Variants in UGGT2 observed in about 807,000 individuals in gnomAD.
UGGT2 encodes UDP-glucose glycoprotein glucosyltransferase 2, also known as UDP-glucose:glycoprotein glucosyltransferase 2.
UGGT2 carries 180 observed loss-of-function variants against 192.1 expected under a neutral mutation model. That is an observed-to-expected ratio of 0.94 (90% CI 0.83 to 1.06). The LOEUF (loss-of-function observed/expected upper bound fraction) is 1.06. UGGT2 is among the 50% of genes least tolerant of loss of function. UGGT2 has a pLI of 0.00. For synonymous variants in UGGT2, 580 were observed against 591.0 expected, an observed-to-expected ratio of 0.98 and a Z score of 0.27; for missense variants, 1,849 against 1,795.7, an observed-to-expected ratio of 1.03 and a Z score of -0.54.
chr13:96,026,959 C>T (rs370379502), intron 2 of UGGT2, among the ~76,000 whole-genome samples: 2 of 152,124 alleles, frequency 1.3e-5, no homozygotes, highest in African/African-American at 4.8e-5. Flanking sequence ...GCGTGAGCCA[C>T]CGCGCCCAGC....
At chr13:96,049,627 A>C (rs888387075) in intron 1 of UGGT2, among the ~76,000 whole-genome samples, 2 of 152,252 alleles carry the variant, frequency 1.3e-5, no homozygotes, top group African/African-American at 4.8e-5. Flanking sequence ...CAACTTCAGC[A>C]AAGTCTCAGG....
Position 96,041,775 on chromosome 13 carries a change from C to CAGTCTGCT in UGGT2, c.159-9805_159-9804insAGCAGACT, listed in dbSNP as rs1404968055. Among the ~76,000 whole-genome samples, 194 of 152,244 alleles carry CAGTCTGCT rather than the reference C, an allele frequency of 1.3e-3. 6 individuals are homozygous for CAGTCTGCT. In the South Asian group the frequency reaches 0.038, roughly 30 times the overall value. On this transcript the variant is annotated intron_variant, in intron 1 of 38. Coordinates refer to ENST00000376747, the MANE Select transcript of UGGT2 (RefSeq NM_020121.4). ...TTTCCCCCACTTCCCTGACAACCTG[C>CAGTCTGCT]ATGACAAAGCAGAGGCAGCCATAAT...
Position 96,023,654 on chromosome 13 carries a change from G to A in UGGT2, c.347C>T (p.Ser116Phe). Reference sequence around the variant, plus strand: ...CTGCTGAAACATCTGAATAGCTGGGGAGTATGCCCTTATAGAGAAAGCAAA... The same window carrying A: ...CTGCTGAAACATCTGAATAGCTGGGAAGTATGCCCTTATAGAGAAAGCAAA... ...LKFAFSIRAY[S>F]PAIQMFQQIA... is the part of the protein sequence containing the mutation. The change falls in exon 3 of 39, where the codon TCC becomes TTC. Residue 116 changes from serine (S) to phenylalanine (F), a missense_variant. Coordinates refer to ENST00000376747, the MANE Select transcript of UGGT2 (RefSeq NM_020121.4). 6.2e-7 allele frequency: 1 copy of A among 1,610,704 alleles called. No homozygotes were observed. The highest frequency in any genetic ancestry group is 8.5e-7 in the Non-Finnish European group (1 of 1,177,896).
chr13:95,998,993 G>A (rs370266152), intron 6 of UGGT2, among the ~76,000 whole-genome samples: 2 of 152,116 alleles, frequency 1.3e-5, no homozygotes, highest in South Asian at 2.1e-4. Context: ...AATAACATAC[G>A]ATTTCATATT....
At chr13:95,885,640 C>T (rs2047623809) in intron 26 of UGGT2, among the ~76,000 whole-genome samples, 2 of 152,026 alleles carry the variant, frequency 1.3e-5, no homozygotes, top group Non-Finnish European at 2.9e-5. Flanking sequence ...AGTGTGAGTC[C>T]CAGGCAGTGG....
At chr13:96,000,717 A>T (rs756493150) in intron 5 of UGGT2, among the ~76,000 whole-genome samples, 9 of 152,186 alleles carry the variant, frequency 5.9e-5, no homozygotes, top group Admixed American at 6.5e-5. Context: ...TCAGTTCTGG[A>T]AAGTTATTAG....
intron 22 of UGGT2, among the ~76,000 whole-genome samples, chr13:95,897,490 TAG>T (rs1459088051): frequency 6.6e-6 from 1 of 152,176 alleles, no homozygotes; most frequent in Non-Finnish European, 1.5e-5. Context: ...CATTGTACCC[TAG>T]TTGTTGATCA....
intron 1 of UGGT2, among the ~76,000 whole-genome samples, chr13:96,036,753 GAAC>G (rs996480800): frequency 5.9e-5 from 9 of 152,216 alleles, no homozygotes; most frequent in South Asian, 2.1e-4. Flanking sequence ...TATTACCTTT[GAAC>G]AACATTTTTG....
At chr13:96,040,364 C>T (rs987234785) in intron 1 of UGGT2, among the ~76,000 whole-genome samples, 2 of 152,154 alleles carry the variant, frequency 1.3e-5, no homozygotes, top group African/African-American at 4.8e-5. Flanking sequence ...CAATCTCTAA[C>T]TTCACATGGC....
At chr13:95,940,349 TAATAA>T (rs1206239703) in intron 15 of UGGT2, among the ~76,000 whole-genome samples, 9 of 151,904 alleles carry the variant, frequency 5.9e-5, no homozygotes, top group African/African-American at 2.2e-4. Context: ...CCATTATTCT[TAATAA>T]AATAATGATT....
At chr13:95,825,341 G>C (rs1885919036) in intron 38 of UGGT2, among the ~76,000 whole-genome samples, 1 of 152,132 alleles carries the variant, frequency 6.6e-6, no homozygotes. Context: ...CCTTGATGAA[G>C]GTGGCTGAGG....
intron 27 of UGGT2, among the ~76,000 whole-genome samples, chr13:95,880,659 GT>G (rs2047466814): frequency 6.6e-6 from 1 of 152,158 alleles, no homozygotes; most frequent in Non-Finnish European, 1.5e-5. Context: ...CAATTCATAA[GT>G]TTTAAACTGT....
intron 1 of UGGT2, among the ~76,000 whole-genome samples, chr13:96,043,361 A>C (rs1282661154): frequency 1.3e-5 from 2 of 152,224 alleles, no homozygotes; most frequent in Non-Finnish European, 2.9e-5. Flanking sequence ...AGAACTGCTA[A>C]AAGGAGCTCT....
chr13:96,038,630 T>G (rs1158628138), intron 1 of UGGT2, among the ~76,000 whole-genome samples: 2 of 152,110 alleles, frequency 1.3e-5, no homozygotes, highest in African/African-American at 4.8e-5. Flanking sequence ...AAATTTATTC[T>G]CTCATAGTTC....
chr13:95,966,819 C>T (rs1278164521), intron 12 of UGGT2, among the ~76,000 whole-genome samples: 3 of 152,082 alleles, frequency 2.0e-5, no homozygotes, highest in Non-Finnish European at 4.4e-5. Flanking sequence ...ACCACATCAC[C>T]CATTAATGCC....
Position 95,856,432 on chromosome 13 carries a change from T to C in UGGT2, c.3826-92A>G. The C allele has an allele frequency of 2.3e-6, 3 of 1,313,344 alleles. No homozygotes were observed. The South Asian group carries it at 4.2e-5, about 19-fold the overall frequency. The allele number at this position is 1,313,344 out of a possible 1,614,324, so 81.4% of individuals were successfully genotyped here. A position where few individuals can be genotyped will look rare whatever the true frequency, so the allele number is the denominator to read the frequency against. The stretch of plus-strand genomic sequence containing the variant: ...ATAACATTAAAAAGGTAAAGCTTCC[T>C]ATAAATTGTTATAAACTAATAGGCA... On this transcript the variant is annotated intron_variant, in intron 33 of 38. Transcript: ENST00000376747.
intron 36 of UGGT2, among the ~76,000 whole-genome samples, chr13:95,843,610 C>G: frequency 6.6e-6 from 1 of 151,986 alleles, no homozygotes. Context: ...GTACCTTTGT[C>G]TATGATGTGT....
At position 96,052,631 on chromosome 13, in the gene UGGT2, C is replaced by G. The variant is rs145870839; in HGVS notation, c.158+524G>C. Among the ~76,000 whole-genome samples, 14 of 152,302 alleles carry G rather than the reference C, an allele frequency of 9.2e-5. No homozygotes were observed. The East Asian group carries it at 2.7e-3, about 29-fold the overall frequency. ...GAAAGAACTTTCTAATTTTACTCAA[C>G]TAGAATACTAAAGGGCAAAATGCAA... On this transcript the variant is annotated intron_variant, in intron 1 of 38. Transcript: ENST00000376747.
intron 12 of UGGT2, among the ~76,000 whole-genome samples, chr13:95,950,499 C>G (rs1174636977): frequency 1.3e-5 from 2 of 148,606 alleles, no homozygotes; most frequent in Non-Finnish European, 3.0e-5. Flanking sequence ...CAAACCTTAG[C>G]TCTTTGCTTC....
Sources: allele counts gnomAD v4.1 joint callset (sites outside exome capture counted in the v4.1 genomes callset), GRCh38; gene constraint gnomAD v4.1.1; transcripts MANE v1.5; gene names NCBI Gene and HGNC (gene_info 2026-07-23, HGNC 2026-07-21).